Variants in PLXNA4 observed in about 807,000 individuals in gnomAD.
PLXNA4 encodes plexin A4.
A neutral mutation model predicts 191.8 loss-of-function variants in PLXNA4; 44 were observed. That is an observed-to-expected ratio of 0.23 (90% CI 0.18 to 0.29). PLXNA4 has a LOEUF of 0.29. Ranked by LOEUF, PLXNA4 falls within the 10% of genes least tolerant of loss-of-function variation. PLXNA4 has a pLI of 1.00. For missense variants in PLXNA4, 1,800 were observed against 2,488.8 expected, an observed-to-expected ratio of 0.72 and a Z score of 5.89; for synonymous variants, 1,082 against 1,009.5, an observed-to-expected ratio of 1.07 and a Z score of -1.36.
intron 3 of PLXNA4, chr7:132,484,806 CA>C: frequency 6.2e-7 from 1 of 1,613,566 alleles, no homozygotes. Flanking sequence ...TTCAAATTTC[CA>C]GAGTAATTTT....
At chr7:132,219,355 G>T (rs992323351) in intron 9 of PLXNA4, among the ~76,000 whole-genome samples, 23 of 152,284 alleles carry the variant, frequency 1.5e-4, no homozygotes, top group African/African-American at 5.5e-4. Context: ...CACTTTTTGG[G>T]CATGGATTTA....
chr7:132,269,946 G>T (rs77577510), intron 4 of PLXNA4, among the ~76,000 whole-genome samples: 1,911 of 152,146 alleles, frequency 0.013, 35 homozygotes, highest in African/African-American at 0.043. Context: ...CTTTTAATGG[G>T]AAATCACAAA....
At chr7:132,320,804 G>A (rs369969034) in intron 3 of PLXNA4, among the ~76,000 whole-genome samples, 1 of 152,182 alleles carries the variant, frequency 6.6e-6, no homozygotes, top group African/African-American at 2.4e-5. Flanking sequence ...CAAATCTCTA[G>A]CCTTGCGCAG....
chr7:132,415,848 G>T (rs1392096305), intron 3 of PLXNA4, among the ~76,000 whole-genome samples: 3 of 152,182 alleles, frequency 2.0e-5, no homozygotes, highest in Non-Finnish European at 4.4e-5. Context: ...GAGAATTCCA[G>T]CCAAAGAAGT....
intron 16 of PLXNA4, among the ~76,000 whole-genome samples, chr7:132,183,073 T>C (rs1357009450): frequency 6.6e-6 from 1 of 152,248 alleles, no homozygotes. Flanking sequence ...AAACAGGCTT[T>C]AGCAAGTTAG....
intron 4 of PLXNA4, among the ~76,000 whole-genome samples, chr7:132,285,021 G>C (rs1471771080): frequency 6.6e-6 from 1 of 152,062 alleles, no homozygotes; most frequent in Non-Finnish European, 1.5e-5. Flanking sequence ...GGCATAGGTG[G>C]ATTTTTTTTC....
intron 3 of PLXNA4, among the ~76,000 whole-genome samples, chr7:132,477,260 C>G (rs138606755): frequency 3.9e-5 from 6 of 152,334 alleles, no homozygotes; most frequent in Non-Finnish European, 8.8e-5. Flanking sequence ...TACATACACA[C>G]CAGCCCCCTC....
intron 1 of PLXNA4, among the ~76,000 whole-genome samples, chr7:132,573,805 C>T (rs1802091706): frequency 6.6e-6 from 1 of 152,134 alleles, no homozygotes; most frequent in Non-Finnish European, 1.5e-5. Flanking sequence ...GTGACCCATG[C>T]CTAGTGCTCA....
At position 132,576,258 on chromosome 7, in the gene PLXNA4, C is replaced by T. The variant is rs369593056; in HGVS notation, c.-87+164G>A. ...GGGACGTGGGCAGGTGCGCGAGCGC[C>T]GTGTGTGCCGGTGTGGATCTGTGTG... On this transcript the variant is annotated intron_variant, in intron 1 of 31. Transcript: ENST00000321063. The surrounding 1 kb of genome is among the most constrained non-coding windows in gnomAD (Gnocchi z 5.8). 1.3e-5 allele frequency among the ~76,000 whole-genome samples: 2 copies of T among 152,122 alleles called. No homozygotes were observed. The highest frequency in any genetic ancestry group is 3.9e-4 in the East Asian group (2 of 5,170).
chr7:132,233,067 A>T (rs747672059), intron 5 of PLXNA4, among the ~76,000 whole-genome samples: 1 of 152,172 alleles, frequency 6.6e-6, no homozygotes, highest in African/African-American at 2.4e-5. Flanking sequence ...AAGGTGCACC[A>T]TCTGTGCTTA....
intron 3 of PLXNA4, among the ~76,000 whole-genome samples, chr7:132,401,971 C>G (rs1268906984): frequency 1.3e-5 from 2 of 152,128 alleles, no homozygotes; most frequent in Non-Finnish European, 2.9e-5. Flanking sequence ...AGTAAGCAGT[C>G]CTTGTCATGG....
At chr7:132,189,550 A>G (rs1240350018) in intron 14 of PLXNA4, among the ~76,000 whole-genome samples, 2 of 152,066 alleles carry the variant, frequency 1.3e-5, no homozygotes, top group African/African-American at 4.8e-5. Context: ...GGGAGAGGAC[A>G]AATCTTCCCT....
intron 13 of PLXNA4, among the ~76,000 whole-genome samples, chr7:132,196,367 A>C (rs1797254880): frequency 6.6e-6 from 1 of 151,680 alleles, no homozygotes; most frequent in African/African-American, 2.4e-5. Flanking sequence ...CTGATTCAAA[A>C]CTCTATATTA....
chr7:132,426,427 T>C (rs577350905), intron 3 of PLXNA4, among the ~76,000 whole-genome samples: 11 of 152,312 alleles, frequency 7.2e-5, no homozygotes, highest in African/African-American at 2.4e-4. Context: ...AGCGCTGTCA[T>C]GTCTGCCCAA....
intron 25 of PLXNA4, among the ~76,000 whole-genome samples, chr7:132,152,611 G>A (rs747800229): frequency 5.2e-4 from 79 of 152,158 alleles, no homozygotes; most frequent in Non-Finnish European, 5.0e-4. Context: ...ACCTTGCTCC[G>A]TAGGAGGTGA....
At chr7:132,429,889 AG>A (rs1203356754) in intron 3 of PLXNA4, among the ~76,000 whole-genome samples, 10 of 152,318 alleles carry the variant, frequency 6.6e-5, no homozygotes, top group Admixed American at 5.2e-4. Flanking sequence ...TCATCCTACG[AG>A]GTTTACTCAA....
chr7:132,336,674 A>T (rs1376028594), intron 3 of PLXNA4, among the ~76,000 whole-genome samples: 1 of 152,228 alleles, frequency 6.6e-6, no homozygotes, highest in Non-Finnish European at 1.5e-5. Flanking sequence ...CTAAGGTCAG[A>T]GACAAGGGAG....
In PLXNA4 at chr7:132,158,402, C is replaced by A. The variant is rs181815105; in HGVS notation, c.4660+1071G>T. Among the ~76,000 whole-genome samples the A allele has an allele frequency of 7.9e-5, 12 of 152,318 alleles. No individual in the cohort carries two copies. In the East Asian group the frequency reaches 2.3e-3, roughly 29 times the overall value. ...AGGTGTCTGAGGGGTCCTCCCACCA[C>A]TATGTTACCAGGAATCTCCAGATAC... is the stretch of plus-strand genomic sequence containing the variant. On this transcript the variant is annotated intron_variant, in intron 25 of 31. Transcript: ENST00000321063.
At chr7:132,468,943 G>GCA (rs1796813630) in intron 3 of PLXNA4, among the ~76,000 whole-genome samples, 2 of 151,998 alleles carry the variant, frequency 1.3e-5, no homozygotes, top group African/African-American at 4.8e-5. Context: ...CCACTCTGAA[G>GCA]CACAGAACAT....
Sources: allele counts gnomAD v4.1 joint callset (sites outside exome capture counted in the v4.1 genomes callset), GRCh38; gene constraint gnomAD v4.1.1; non-coding constraint Gnocchi (gnomAD v3.1); transcripts MANE v1.5; gene names NCBI Gene and HGNC (gene_info 2026-07-23, HGNC 2026-07-21).